The following EXT2 variants were observed in gnomAD, a reference collection of about 807,000 sequenced individuals.
The protein encoded by EXT2 is exostosin-2.
A neutral mutation model predicts 81.6 loss-of-function variants in EXT2; 53 were observed. The observed-to-expected ratio is 0.65, with a 90% CI of 0.52 to 0.82. The LOEUF (loss-of-function observed/expected upper bound fraction) is 0.82, where lower values mean the gene tolerates loss of function less well. Ranked by LOEUF, EXT2 falls within the 40% of genes least tolerant of loss-of-function variation. The pLI, the probability that EXT2 is intolerant of heterozygous loss-of-function variation, is 0.00. For missense variants in EXT2, 774 were observed against 910.2 expected, an observed-to-expected ratio of 0.85 and a Z score of 1.93; for synonymous variants, 320 against 340.0, an observed-to-expected ratio of 0.94 and a Z score of 0.65.
intron 10 of EXT2, among the ~76,000 whole-genome samples, chr11:44,214,074 T>C (rs753217022): frequency 2.6e-4 from 40 of 152,278 alleles, no homozygotes; most frequent in Non-Finnish European, 4.1e-4. Flanking sequence ...CTTCTGTTGC[T>C]TGATCTCCAG....
intron 10 of EXT2, among the ~76,000 whole-genome samples, chr11:44,212,875 A>C (rs912366190): frequency 2.0e-5 from 3 of 152,274 alleles, no homozygotes; most frequent in Non-Finnish European, 2.9e-5. Flanking sequence ...AGTAGAAAAA[A>C]CTACATTGCC....
intron 1 of EXT2, among the ~76,000 whole-genome samples, chr11:44,103,956 T>G (rs1415993917): frequency 1.3e-5 from 2 of 152,212 alleles, no homozygotes; most frequent in Non-Finnish European, 2.9e-5. Context: ...ACTTTTAGCC[T>G]TGTTGACCAT....
rs539881709 is a variant in EXT2 at position 44,108,866 on chromosome 11, G to T, written c.537-328G>T. 1.4e-3 allele frequency among the ~76,000 whole-genome samples: 213 copies of T among 152,112 alleles called. 1 individual carries two copies. Among genetic ancestry groups the T allele is most frequent in the Admixed American group, 3.3e-3 (50 of 15,280 alleles). ...GGGTTGCATAGTATTCCATTTTGCA[G>T]ATGTTCTACCATATATTTAACCAGG... On this transcript the variant is annotated intron_variant, in intron 2 of 13. Transcript: ENST00000533608.
intron 9 of EXT2, 101 bp downstream of exon 9, chr11:44,198,119 T>C (rs986710048): frequency 8.3e-7 from 1 of 1,200,630 alleles, no homozygotes; most frequent in Non-Finnish European, 1.2e-6. Context: ...TCAATAGCAA[T>C]ACCATTTCTG....
chr11:44,098,776 G>A (rs1439917144), intron 1 of EXT2, among the ~76,000 whole-genome samples: 1 of 151,850 alleles, frequency 6.6e-6, no homozygotes, highest in Non-Finnish European at 1.5e-5. Flanking sequence ...GGTGGGAGAG[G>A]AGGGTGTTCA....
chr11:44,144,709 C>G (rs567206697), intron 7 of EXT2, among the ~76,000 whole-genome samples: 1 of 152,218 alleles, frequency 6.6e-6, no homozygotes, highest in South Asian at 2.1e-4. Flanking sequence ...AAACATGACT[C>G]AGGCTTCCCC....
chr11:44,173,229 A>T (rs1955102398), intron 8 of EXT2, among the ~76,000 whole-genome samples: 1 of 152,200 alleles, frequency 6.6e-6, no homozygotes, highest in South Asian at 2.1e-4. Flanking sequence ...GGAAGTCAGT[A>T]TGTGCGTATG....
chr11:44,180,097 A>G (rs995709648), intron 8 of EXT2, among the ~76,000 whole-genome samples: 4 of 152,214 alleles, frequency 2.6e-5, no homozygotes, highest in African/African-American at 9.7e-5. Flanking sequence ...AGTAAAAGAA[A>G]CCATAGAATG....
chr11:44,186,315 G>A (rs1198912699), intron 8 of EXT2, among the ~76,000 whole-genome samples: 3 of 152,164 alleles, frequency 2.0e-5, no homozygotes, highest in Non-Finnish European at 4.4e-5. Flanking sequence ...AAAAGTATCA[G>A]CATATGGAAC....
intron 10 of EXT2, among the ~76,000 whole-genome samples, chr11:44,216,462 C>A (rs1343041532): frequency 1.3e-5 from 2 of 152,128 alleles, no homozygotes; most frequent in Non-Finnish European, 2.9e-5. Context: ...TGATAGCCAA[C>A]AGCATGTTGA....
intron 3 of EXT2, among the ~76,000 whole-genome samples, chr11:44,112,195 G>C (rs1271636757): frequency 6.6e-6 from 1 of 152,204 alleles, no homozygotes; most frequent in Non-Finnish European, 1.5e-5. Context: ...GGAGAACTGT[G>C]AGAAAACATG....
intron 12 of EXT2, 110 bp from the exon 13 acceptor site, chr11:44,236,183 G>A (rs746594941): frequency 3.9e-5 from 35 of 906,308 alleles, no homozygotes; most frequent in Middle Eastern, 2.1e-4. Flanking sequence ...GTGTGCACGC[G>A]CATGCAACAT....
At chr11:44,239,224 A>G (rs1455992334) in intron 13 of EXT2, among the ~76,000 whole-genome samples, 2 of 152,016 alleles carry the variant, frequency 1.3e-5, no homozygotes, top group African/African-American at 4.8e-5. Flanking sequence ...TGGTAGTAGT[A>G]CCTTCAGCAG....
At chr11:44,096,412 C>T (rs902926143) in intron 1 of EXT2, 3 of 1,323,130 alleles carry the variant, frequency 2.3e-6, no homozygotes, top group South Asian at 1.3e-5. Context: ...ACTAGATGGC[C>T]GGGGGCGTGT....
intron 8 of EXT2, among the ~76,000 whole-genome samples, chr11:44,183,416 AT>A (rs1327931318): frequency 1.3e-5 from 2 of 152,112 alleles, no homozygotes; most frequent in African/African-American, 4.8e-5. Context: ...TAAGTTACTA[AT>A]TTTTTTGAGG....
Position 44,223,292 on chromosome 11 carries a change from A to G in EXT2, c.1663-9061A>G, listed in dbSNP as rs118109577. On this transcript the variant is annotated intron_variant, in intron 10 of 13. Transcript: ENST00000533608. Reference sequence around the variant, plus strand: ...TTACACATTTGGGCATTTATCCCAGAGGAATGATAATTTATGCTCACATGA... The same window carrying G: ...TTACACATTTGGGCATTTATCCCAGGGGAATGATAATTTATGCTCACATGA... Among the ~76,000 whole-genome samples, 756 of 152,372 alleles carry G rather than the reference A, an allele frequency of 5.0e-3. 7 individuals are homozygous for G. The highest frequency in any genetic ancestry group is 0.043 in the East Asian group (224 of 5,184).
At chr11:44,143,566 C>G in intron 7 of EXT2, among the ~76,000 whole-genome samples, 1 of 152,164 alleles carries the variant, frequency 6.6e-6, no homozygotes, top group East Asian at 1.9e-4. Flanking sequence ...GTAGCTCCCT[C>G]TTTTCAAGAG....
intron 3 of EXT2, among the ~76,000 whole-genome samples, chr11:44,110,887 C>G (rs2134975703): frequency 6.6e-6 from 1 of 152,238 alleles, no homozygotes; most frequent in South Asian, 2.1e-4. Context: ...ACCATCTAGT[C>G]CTTTATCTTT....
intron 9 of EXT2, among the ~76,000 whole-genome samples, chr11:44,205,878 C>T (rs972638270): frequency 3.3e-5 from 5 of 152,128 alleles, no homozygotes; most frequent in African/African-American, 1.2e-4. Context: ...ACAAACTGCC[C>T]TCTGAGATCT....
Sources: gnomAD v4.1 joint callset for allele counts (sites outside exome capture counted in the v4.1 genomes callset) on GRCh38, gnomAD v4.1.1 for gene constraint, MANE v1.5 for transcripts, NCBI Gene and HGNC (gene_info 2026-07-23, HGNC 2026-07-21) for gene names.